The following RAPGEF3 variants were observed in gnomAD, a reference collection of about 807,000 sequenced individuals.
RAPGEF3 encodes the protein Rap guanine nucleotide exchange factor 3.
Under a neutral mutation model 129.8 loss-of-function variants are expected in RAPGEF3, and 103 were observed. The ratio of observed to expected loss-of-function variants is 0.79; its 90% CI spans 0.68 to 0.93. RAPGEF3 has a LOEUF of 0.93. RAPGEF3 is among the 40% of genes least tolerant of loss of function. RAPGEF3 has a pLI of 0.00. For missense variants in RAPGEF3, 1,117 were observed against 1,207.4 expected (o/e 0.93, Z 1.11); for synonymous variants, 436 against 482.6 (o/e 0.90, Z 1.26).
rs1940964403 is a variant in RAPGEF3, at chr12:47,738,899, T to G, written c.2462-145A>C. 5 of 800,654 alleles carry G rather than the reference T, an allele frequency of 6.2e-6. No homozygotes were observed. In the South Asian group the frequency reaches 7.8e-5, roughly 13 times the overall value. 49.6% of individuals were successfully genotyped at this position (800,654 alleles called of 1,614,324 possible). A position where few individuals can be genotyped will look rare whatever the true frequency, so the allele number is the denominator to read the frequency against. On this transcript the variant is annotated intron_variant, in intron 24 of 27. Coordinates refer to ENST00000449771, the MANE Select transcript of RAPGEF3 (RefSeq NM_001098531.4). ...GCCCCCTCCAAGCCCCAGCAGCATTTCCTTGTATCTCTTAGGCCCTGAAGG... is the reference window on the plus strand; with the variant it reads ...GCCCCCTCCAAGCCCCAGCAGCATTGCCTTGTATCTCTTAGGCCCTGAAGG...
intron 18 of RAPGEF3, 62 bp downstream of exon 18, chr12:47,743,468 G>A: frequency 6.5e-7 from 1 of 1,547,590 alleles, no homozygotes; most frequent in Non-Finnish European, 8.8e-7. Context: ...CTTGACTGGG[G>A]GACCTGGGCG....
rs562649154 is a variant in RAPGEF3 at position 47,741,729 on chromosome 12, C to G, written c.1826-127G>C. On this transcript the variant is annotated intron_variant, in intron 18 of 27. Coordinates refer to ENST00000449771, the MANE Select transcript of RAPGEF3 (RefSeq NM_001098531.4). ...TTCTCCTAGTAGCGGGGTTGAAGTC[C>G]TGGGTGGTGCTCAGAATACACAGGT... 2.9e-5 allele frequency: 22 copies of G among 748,910 alleles called. No individual in the cohort carries two copies. The Admixed American group carries it at 3.9e-4, about 13-fold the overall frequency. The allele number at this position is 748,910 out of a possible 1,614,324, so 46.4% of individuals were successfully genotyped here. A position where few individuals can be genotyped will look rare whatever the true frequency, so the allele number is the denominator to read the frequency against.
At chr12:47,739,411 C>T (rs1405188241) in intron 23 of RAPGEF3, 181 bp from the exon 24 acceptor site, 3 of 706,874 alleles carry the variant, frequency 4.2e-6, no homozygotes, top group East Asian at 2.7e-5. Flanking sequence ...TCCAACCTCC[C>T]ATTAGCACTG....
Position 47,750,336 on chromosome 12 carries a change from C to G in RAPGEF3, c.756+5G>C. 1 of 1,613,628 alleles carries G rather than the reference C, an allele frequency of 6.2e-7. No individual in the cohort carries two copies. The highest frequency in any genetic ancestry group is 8.5e-7 in the Non-Finnish European group (1 of 1,179,578). ...CGGGGCAGGGCTGGGAGGGGCAGGACTGACCGAGTTGGAGAGGTGGGCCAC... is the reference window on the plus strand; with the variant it reads ...CGGGGCAGGGCTGGGAGGGGCAGGAGTGACCGAGTTGGAGAGGTGGGCCAC... On this transcript the variant is annotated splice_donor_5th_base_variant and intron_variant, in intron 7 of 27. Coordinates refer to ENST00000449771, the MANE Select transcript of RAPGEF3 (RefSeq NM_001098531.4).
At position 47,749,504 on chromosome 12, in the gene RAPGEF3, AT is replaced by A. The variant is rs746926085; in HGVS notation, c.926del (p.Asp309ValfsTer8). 1.2e-6 allele frequency: 2 copies of A among 1,611,910 alleles called. No individual in the cohort carries two copies. Among genetic ancestry groups the A allele is most frequent in the South Asian group, 2.2e-5 (2 of 91,056 alleles). On this transcript the variant is annotated frameshift_variant, in exon 10 of 28. Transcript: ENST00000449771. LOFTEE classifies it high-confidence loss of function. The surrounding 1 kb of genome is among the most constrained non-coding windows in gnomAD (Gnocchi z 4.5). ...CATTCACCAGAGCCAGCTGTCCAAA[AT>A]CATCTCCCTCATGCAGGGTGGTCAC... The part of the protein sequence containing the change: ...GLVTTLHEGD[D>X]FGQLALVNDA...
At chr12:47,738,922 A>G in intron 24 of RAPGEF3, 168 bp from the exon 25 acceptor site, 1 of 727,832 alleles carries the variant, frequency 1.4e-6, no homozygotes. Flanking sequence ...TAGGCCCTGA[A>G]GGCAGCCCGT....
At chr12:47,739,023 C>T (rs1246344389) in intron 24 of RAPGEF3, 120 bp downstream of exon 24, 38 of 916,936 alleles carry the variant, frequency 4.1e-5, no homozygotes, top group Non-Finnish European at 5.9e-5. Context: ...TATAATCTCT[C>T]CAACAGAGTG....
At chr12:47,738,919 T>A in intron 24 of RAPGEF3, 165 bp from the exon 25 acceptor site, 1 of 737,682 alleles carries the variant, frequency 1.4e-6, no homozygotes. Flanking sequence ...TCTTAGGCCC[T>A]GAAGGCAGCC....
chr12:47,736,054 A>C lies in RAPGEF3; in HGVS notation c.*1513T>G, dbSNP rs1940790256. 1 of 152,192 alleles carries C rather than the reference A, an allele frequency of 6.6e-6. No individual in the cohort carries two copies. Among genetic ancestry groups the C allele is most frequent in the South Asian group, 2.1e-4 (1 of 4,826 alleles). The allele number at this position is 152,192 out of a possible 1,614,324, so 9.4% of individuals were successfully genotyped here. Reference sequence around the variant, plus strand: ...TAGCACAGGACTGCCCTTGGCTGTCACCTCTGCTACAGAGGCAGGAGCTAC... The same window carrying C: ...TAGCACAGGACTGCCCTTGGCTGTCCCCTCTGCTACAGAGGCAGGAGCTAC... On this transcript the variant is annotated 3_prime_UTR_variant, in exon 28 of 28. Transcript: ENST00000449771.
At chr12:47,741,181 T>C in intron 19 of RAPGEF3, 141 bp from the exon 20 acceptor site, 1 of 1,071,104 alleles carries the variant, frequency 9.3e-7, no homozygotes, top group Non-Finnish European at 1.3e-6. Flanking sequence ...AGAGGGTCTC[T>C]AGGGGCTATA....
At chr12:47,746,648 G>A in intron 16 of RAPGEF3, 10 of 716,948 alleles carry the variant, frequency 1.4e-5, no homozygotes, top group Non-Finnish European at 2.6e-5. Context: ...TGGGCGAGGA[G>A]GGAGGCCACC....
rs1941640129 is a variant in RAPGEF3 at position 47,749,822 on chromosome 12, C to T, written c.818-5G>A. On this transcript the variant is annotated splice_polypyrimidine_tract_variant and splice_region_variant and intron_variant, in intron 8 of 27. Coordinates refer to ENST00000449771, the MANE Select transcript of RAPGEF3 (RefSeq NM_001098531.4). This position sits in a 1 kb window ranked among gnomAD's most constrained non-coding sequence, Gnocchi z 4.5. ...CCTTGTCCCCCTGGCTGAACACTGA[C>T]AGAAGCATACCTCAGACCGGGCCCT... The T allele has an allele frequency of 6.2e-7, 1 of 1,614,138 alleles. No homozygotes were observed. The highest frequency in any genetic ancestry group is 1.7e-5 in the Admixed American group (1 of 60,010).
At chr12:47,746,793 C>A in intron 16 of RAPGEF3, 67 bp downstream of exon 16, 2 of 1,482,878 alleles carry the variant, frequency 1.3e-6, no homozygotes, top group Admixed American at 1.9e-5. Flanking sequence ...CCCTCAGGGT[C>A]AGGGGGCGAA....
At chr12:47,742,723 C>T (rs1941230822) in intron 18 of RAPGEF3, among the ~76,000 whole-genome samples, 1 of 152,184 alleles carries the variant, frequency 6.6e-6, no homozygotes, top group Admixed American at 6.5e-5. Flanking sequence ...TTACAGTCCT[C>T]ATCTGACAGG....
chr12:47,758,478 A>C, intron 1 of RAPGEF3, 73 bp downstream of exon 1: 2 of 1,587,590 alleles, frequency 1.3e-6, no homozygotes, highest in Non-Finnish European at 8.6e-7. Flanking sequence ...TCTCCCACCC[A>C]AACTCCCCAC....
intron 2 of RAPGEF3, chr12:47,756,357 A>C (rs1443379837): frequency 6.6e-6 from 1 of 152,196 alleles, no homozygotes; most frequent in Non-Finnish European, 1.5e-5. Context: ...ATAGCCCAAG[A>C]GGGAAGGAGG....
At position 47,737,594 on chromosome 12, in the gene RAPGEF3, G is replaced by A. The variant is rs779646971; in HGVS notation, c.2745C>T (p.Ser915=). ...LKVIDNQREL[S]RLSRELEP ...ATGGCTCCAGCTCTCGGGAGAGGCG[G>A]GAGAGTTCCCGCTGGTTGTCAATGA... Residue 915 remains serine, a synonymous_variant, in exon 28 of 28, where the codon TCC becomes TCT. Coordinates refer to ENST00000449771, the MANE Select transcript of RAPGEF3 (RefSeq NM_001098531.4). The A allele has an allele frequency of 6.2e-7, 1 of 1,605,648 alleles. No homozygotes were observed. The highest frequency in any genetic ancestry group is 8.5e-7 in the Non-Finnish European group (1 of 1,176,686).
At position 47,740,745 on chromosome 12, in the gene RAPGEF3, G is replaced by A. The variant is rs773902126; in HGVS notation, c.2128C>T (p.Arg710Cys). The stretch of plus-strand genomic sequence containing the variant: ...ACCCAGTACTGCAGCTCATTGAAGC[G>A]GCGCATGAAGCGCTCCAGGTTGGCG... ...TTANLERFMR[R>C]FNELQYWVAT... is the part of the protein sequence containing the mutation. Residue 710 changes from arginine to cysteine, a missense_variant, in exon 21 of 28, where the codon CGC (arginine) becomes TGC (cysteine). This residue lies in a region of RAPGEF3 where 643 missense variants were observed against 673.4 expected (regional missense o/e 0.95). Transcript: ENST00000449771. 18 of 1,613,952 alleles carry A rather than the reference G, an allele frequency of 1.1e-5. 1 individual carries two copies. The highest frequency in any genetic ancestry group is 5.0e-5 in the Admixed American group (3 of 60,014).
In RAPGEF3 at chr12:47,758,024, G is replaced by T. The variant is rs1942195919; in HGVS notation, c.61C>A (p.Pro21Thr). 6.3e-7 allele frequency: 1 copy of T among 1,576,852 alleles called. No individual in the cohort carries two copies. The highest frequency in any genetic ancestry group is 8.6e-7 in the Non-Finnish European group (1 of 1,161,238). The change falls in exon 2 of 28, where the codon CCA becomes ACA. Residue 21 changes from proline to threonine, a missense_variant. Coordinates refer to ENST00000449771, the MANE Select transcript of RAPGEF3 (RefSeq NM_001098531.4). ...WQVGLAVEDS[P>T]ALGAPRVGAL... ...CCCACCCGCGGTGCTCCCAGAGCTG[G>T]GCTATCCTCCACAGCCAGGCCCACC...
Sources: allele counts gnomAD v4.1 joint callset (sites outside exome capture counted in the v4.1 genomes callset), GRCh38; gene constraint gnomAD v4.1.1; regional missense constraint gnomAD v4.1.1; non-coding constraint Gnocchi (gnomAD v3.1); transcripts MANE v1.5; gene names NCBI Gene and HGNC (gene_info 2026-07-23, HGNC 2026-07-21).